The following RALB variants were observed in gnomAD, a reference collection of about 807,000 sequenced individuals.
RALB encodes ras-related protein Ral-B.
In RALB, 16 loss-of-function variants were observed where a neutral mutation model predicts 21.3. The observed-to-expected ratio is 0.75, with a 90% CI of 0.51 to 1.14. The LOEUF is 1.14. Among genes scored for constraint, RALB ranks in the 50% most tolerant of loss-of-function variants. The pLI is 0.00. For missense variants in RALB, 161 were observed against 256.2 expected (o/e 0.63, Z 2.54); for synonymous variants, 93 against 96.1 (o/e 0.97, Z 0.19).
chr2:120,257,045 T>C (rs529719906), intron 1 of RALB, among the ~76,000 whole-genome samples: 3 of 152,360 alleles, frequency 2.0e-5, no homozygotes, highest in Non-Finnish European at 4.4e-5. Context: ...ATTAGCCAAG[T>C]ATGCAGTAGC....
At chr2:120,282,878 C>G (rs1690028888) in intron 2 of RALB, among the ~76,000 whole-genome samples, 1 of 152,156 alleles carries the variant, frequency 6.6e-6, no homozygotes, top group African/African-American at 2.4e-5. Context: ...CTGTCCAATA[C>G]AAGTGGCTAT....
chr2:120,278,896 TG>T (rs1689914949), intron 2 of RALB, 118 bp downstream of exon 2: 1 of 949,156 alleles, frequency 1.1e-6, no homozygotes, highest in South Asian at 3.1e-5. Flanking sequence ...AAGTCTGTGT[TG>T]AGGTGGCTTC....
At chr2:120,268,070 A>T (rs962724856) in intron 1 of RALB, among the ~76,000 whole-genome samples, 5 of 152,348 alleles carry the variant, frequency 3.3e-5, no homozygotes, top group African/African-American at 1.2e-4. Flanking sequence ...GATTACAGGC[A>T]TGAGCCACTG....
At chr2:120,292,522 C>T (rs1449836958) in intron 4 of RALB, among the ~76,000 whole-genome samples, 1 of 152,158 alleles carries the variant, frequency 6.6e-6, no homozygotes, top group African/African-American at 2.4e-5. Flanking sequence ...CTTCCCTTCC[C>T]TGGTGGTTGG....
chr2:120,288,344 T>TTTG (rs1553525479), intron 3 of RALB, among the ~76,000 whole-genome samples: 1 of 139,562 alleles, frequency 7.2e-6, no homozygotes, highest in African/African-American at 2.7e-5. Flanking sequence ...AAATTTTAGT[T>TTTG]TTTTTTTTTG....
In RALB at chr2:120,270,883, AAT is replaced by A. The variant is rs1310595009; in HGVS notation, c.-47-7732_-47-7731del. Among the ~76,000 whole-genome samples, 4 of 150,542 alleles carry A rather than the reference AAT, an allele frequency of 2.7e-5. No homozygotes were observed. The East Asian group carries it at 7.8e-4, about 29-fold the overall frequency. On this transcript the variant is annotated intron_variant, in intron 1 of 4. Coordinates refer to ENST00000272519, the MANE Select transcript of RALB (RefSeq NM_002881.3). ...CCCAGCTTTAGGATTGCCAGACTCA[AAT>A]ATTATGATTATGGCCTACTAGGTGA...
intron 1 of RALB, among the ~76,000 whole-genome samples, chr2:120,254,145 G>A (rs1462994615): frequency 6.6e-6 from 1 of 152,194 alleles, no homozygotes; most frequent in East Asian, 1.9e-4. Context: ...TGAAGACCTG[G>A]GTTTGATGCA....
chr2:120,258,654 G>T (rs900705292), intron 1 of RALB, among the ~76,000 whole-genome samples: 1 of 152,254 alleles, frequency 6.6e-6, no homozygotes, highest in East Asian at 1.9e-4. Context: ...GCTGTTGAAT[G>T]AATGGTGGCA....
At chr2:120,251,950 T>C (rs1051254673), upstream of RALB, among the ~76,000 whole-genome samples, 11 of 152,184 alleles carry the variant, frequency 7.2e-5, no homozygotes, top group African/African-American at 2.7e-4. Flanking sequence ...ACATGCATCC[T>C]AACTTACAAT....
chr2:120,291,457 C>T (rs1194479037), intron 4 of RALB, among the ~76,000 whole-genome samples: 1 of 152,176 alleles, frequency 6.6e-6, no homozygotes, highest in Non-Finnish European at 1.5e-5. Context: ...GAGACTCTCT[C>T]AGCTTGGAAC....
chr2:120,241,982 T>G (rs1415001147), intron 1 of RALB, among the ~76,000 whole-genome samples: 1 of 152,192 alleles, frequency 6.6e-6, no homozygotes, highest in African/African-American at 2.4e-5. Context: ...CACAGCAACA[T>G]TCTCACGATA....
intron 1 of RALB, among the ~76,000 whole-genome samples, chr2:120,261,257 CTGAT>C (rs1361392328): frequency 6.6e-6 from 1 of 152,062 alleles, no homozygotes; most frequent in Non-Finnish European, 1.5e-5. Context: ...AAAGTAAAGA[CTGAT>C]TGATGCTGCA....
intron 2 of RALB, among the ~76,000 whole-genome samples, chr2:120,279,507 A>G (rs1689931027): frequency 1.3e-5 from 2 of 152,254 alleles, no homozygotes; most frequent in South Asian, 4.1e-4. Context: ...ATGCAATGTA[A>G]CAACTGTTTG....
upstream of RALB, among the ~76,000 whole-genome samples, chr2:120,252,606 G>C (rs995065060): frequency 1.3e-5 from 2 of 152,234 alleles, no homozygotes; most frequent in African/African-American, 4.8e-5. Flanking sequence ...CTGCGTGTCC[G>C]AGGGGCAGAG....
At chr2:120,277,377 G>A (rs1689828108) in intron 1 of RALB, among the ~76,000 whole-genome samples, 1 of 151,682 alleles carries the variant, frequency 6.6e-6, no homozygotes, top group African/African-American at 2.4e-5. Context: ...GTGTGTGGTG[G>A]CGTGAACATG....
chr2:120,244,473 C>T (rs1046433542), intron 1 of RALB, among the ~76,000 whole-genome samples: 4 of 152,188 alleles, frequency 2.6e-5, no homozygotes, highest in Admixed American at 6.5e-5. Flanking sequence ...AGAGCCTCAG[C>T]GGGAGACTGG....
chr2:120,283,192 A>G (rs1156381532), intron 2 of RALB, among the ~76,000 whole-genome samples: 3 of 152,210 alleles, frequency 2.0e-5, no homozygotes, highest in African/African-American at 7.2e-5. Context: ...GTCTAAATCA[A>G]GCTTGTCCAA....
At chr2:120,245,695 G>C (rs973179747) in intron 1 of RALB, among the ~76,000 whole-genome samples, 3 of 152,132 alleles carry the variant, frequency 2.0e-5, no homozygotes, top group South Asian at 4.1e-4. Context: ...CTGCCTGCAC[G>C]GGTTGTGCAA....
At chr2:120,251,403 A>G (rs1439682655), upstream of RALB, among the ~76,000 whole-genome samples, 7 of 152,226 alleles carry the variant, frequency 4.6e-5, no homozygotes, top group Non-Finnish European at 8.8e-5. Flanking sequence ...CCAAGTTCCT[A>G]GCACTGTACT....
Sources: gnomAD v4.1 joint callset for allele counts (sites outside exome capture counted in the v4.1 genomes callset) on GRCh38, gnomAD v4.1.1 for gene constraint, MANE v1.5 for transcripts, NCBI Gene and HGNC (gene_info 2026-07-23, HGNC 2026-07-21) for gene names.